The following SS18 variants were observed in gnomAD, a reference collection of about 807,000 sequenced individuals.
The protein encoded by SS18 is protein SSXT.
A neutral mutation model predicts 72.5 loss-of-function variants in SS18; 28 were observed. The ratio of observed to expected loss-of-function variants is 0.39; its 90% CI spans 0.29 to 0.53. The LOEUF (loss-of-function observed/expected upper bound fraction) is 0.53, where lower values mean the gene tolerates loss of function less well. Ranked by LOEUF, SS18 falls within the 20% of genes least tolerant of loss-of-function variation. SS18 has a pLI of 0.76. For synonymous variants in SS18, 172 were observed against 164.2 expected (o/e 1.05, Z -0.37); for missense variants, 518 against 535.3 (o/e 0.97, Z 0.32).
At chr18:26,081,640 T>C (rs2054524953) in intron 2 of SS18, among the ~76,000 whole-genome samples, 1 of 152,144 alleles carries the variant, frequency 6.6e-6, no homozygotes, top group Admixed American at 6.5e-5. Context: ...CAGGTGACAA[T>C]ATTGAAATGA....
upstream of SS18, chr18:26,091,017 C>T (rs1039508721): frequency 7.7e-5 from 16 of 207,156 alleles, no homozygotes; most frequent in Non-Finnish European, 1.6e-4. Context: ...CCTCTCCGGC[C>T]CTCTGAAGCG....
chr18:26,060,350 C>G (rs1053642009), intron 3 of SS18, among the ~76,000 whole-genome samples: 24 of 152,190 alleles, frequency 1.6e-4, no homozygotes, highest in African/African-American at 5.8e-4. Flanking sequence ...TAGGCAAATT[C>G]AGAGAGACAG....
chr18:26,047,259 CAAA>C (rs71169806), intron 5 of SS18, among the ~76,000 whole-genome samples: 3 of 75,742 alleles, frequency 4.0e-5, no homozygotes, highest in African/African-American at 1.3e-4. Flanking sequence ...AGTAATATGC[CAAA>C]AAAAAAAAAA....
At chr18:26,036,618 ACT>A (rs1371785561) in intron 7 of SS18, among the ~76,000 whole-genome samples, 1 of 149,912 alleles carries the variant, frequency 6.7e-6, no homozygotes, top group Non-Finnish European at 1.5e-5. Context: ...AGTGAAAAAT[ACT>A]CTCACTCTTT....
chr18:26,050,572 A>G (rs1242504246), intron 5 of SS18, among the ~76,000 whole-genome samples: 3 of 152,162 alleles, frequency 2.0e-5, no homozygotes, highest in Non-Finnish European at 2.9e-5. Context: ...TAAGAAACTC[A>G]TATGATTAAA....
intron 3 of SS18, among the ~76,000 whole-genome samples, chr18:26,070,706 T>A (rs897907155): frequency 1.3e-5 from 2 of 152,194 alleles, no homozygotes; most frequent in African/African-American, 4.8e-5. Flanking sequence ...AAATAAATAA[T>A]TCTTCTCTTG....
At chr18:26,048,326 T>C (rs2053865026) in intron 5 of SS18, among the ~76,000 whole-genome samples, 1 of 152,246 alleles carries the variant, frequency 6.6e-6, no homozygotes, top group African/African-American at 2.4e-5. Context: ...CCAGAAGTAT[T>C]TGTAAAAGAC....
intron 3 of SS18, among the ~76,000 whole-genome samples, chr18:26,071,006 T>C (rs2054301244): frequency 6.6e-6 from 1 of 152,078 alleles, no homozygotes; most frequent in African/African-American, 2.4e-5. Flanking sequence ...AAGGGATAGG[T>C]ATAACAGATT....
At chr18:26,089,443 C>T (rs2054675004) in intron 1 of SS18, among the ~76,000 whole-genome samples, 1 of 152,208 alleles carries the variant, frequency 6.6e-6, no homozygotes, top group Non-Finnish European at 1.5e-5. Flanking sequence ...CTACGAAGAA[C>T]CTGACAGTAA....
intron 10 of SS18, among the ~76,000 whole-genome samples, chr18:26,024,363 C>G (rs775587160): frequency 4.1e-4 from 63 of 152,282 alleles, no homozygotes; most frequent in Non-Finnish European, 8.5e-4. Context: ...TTAGCTCTGT[C>G]ACTCAGCCTG....
intron 5 of SS18, among the ~76,000 whole-genome samples, chr18:26,044,951 T>C (rs187148656): frequency 1.3e-5 from 2 of 152,196 alleles, no homozygotes; most frequent in African/African-American, 4.8e-5. Flanking sequence ...ACACAACACA[T>C]AGTGACTGTT....
intron 10 of SS18, among the ~76,000 whole-genome samples, chr18:26,021,968 G>A (rs2053358723): frequency 6.6e-6 from 1 of 152,180 alleles, no homozygotes; most frequent in African/African-American, 2.4e-5. Context: ...ATGGTGAACT[G>A]AGACCTTGTG....
At chr18:26,085,519 C>T (rs1288252372) in intron 2 of SS18, among the ~76,000 whole-genome samples, 2 of 152,124 alleles carry the variant, frequency 1.3e-5, no homozygotes, top group African/African-American at 4.8e-5. Context: ...TGGTCTTTAA[C>T]CCAGTAATTC....
chr18:26,044,472 C>T (rs1272140204), intron 5 of SS18, among the ~76,000 whole-genome samples: 1 of 151,688 alleles, frequency 6.6e-6, no homozygotes, highest in East Asian at 1.9e-4. Flanking sequence ...TGCAGTTGCA[C>T]ACCACCACGT....
chr18:26,038,510 T>C (rs2053664115), intron 7 of SS18, 45 bp downstream of exon 7: 1 of 1,499,798 alleles, frequency 6.7e-7, no homozygotes, highest in Non-Finnish European at 9.3e-7. Flanking sequence ...ACATTAATAT[T>C]AGGCAGGGAT....
rs924577974 is a variant in SS18 at position 26,017,746 on chromosome 18, A to G, written c.*608T>C. 2 of 219,656 alleles carry G rather than the reference A, an allele frequency of 9.1e-6. No individual in the cohort carries two copies. The highest frequency in any genetic ancestry group is 6.7e-5 in the East Asian group (1 of 14,888). 13.6% of individuals were successfully genotyped at this position (219,656 alleles called of 1,614,324 possible). A position where few individuals can be genotyped will look rare whatever the true frequency, so the allele number is the denominator to read the frequency against. On this transcript the variant is annotated 3_prime_UTR_variant, in exon 11 of 11. Transcript: ENST00000415083. ...GATAAAAGGGATTTGAATTTCCTCTATGAGAACAGAACAGTGGACATATGG... is the reference window on the plus strand; with the variant it reads ...GATAAAAGGGATTTGAATTTCCTCTGTGAGAACAGAACAGTGGACATATGG...
intron 2 of SS18, chr18:26,080,192 C>G (rs556577754): frequency 4.3e-6 from 1 of 233,910 alleles, no homozygotes; most frequent in South Asian, 1.6e-4. Context: ...GGACCACTAG[C>G]TGGAACTATT....
chr18:26,060,359 A>G (rs1443285253), intron 3 of SS18, among the ~76,000 whole-genome samples: 2 of 152,214 alleles, frequency 1.3e-5, no homozygotes, highest in Non-Finnish European at 2.9e-5. Context: ...TCAGAGAGAC[A>G]GAAAGTAGAT....
chr18:26,088,603 A>C (rs990865789), intron 1 of SS18, among the ~76,000 whole-genome samples: 1 of 152,186 alleles, frequency 6.6e-6, no homozygotes. Flanking sequence ...ATCTAAGTAA[A>C]GTGGAGCTGA....
Sources: allele counts gnomAD v4.1 joint callset (sites outside exome capture counted in the v4.1 genomes callset), GRCh38; gene constraint gnomAD v4.1.1; transcripts MANE v1.5; gene names NCBI Gene and HGNC (gene_info 2026-07-23, HGNC 2026-07-21).